The following GRK5 variants were observed in gnomAD, a reference collection of about 807,000 sequenced individuals.
GRK5 encodes g protein-coupled receptor kinase GRK5.
A neutral mutation model predicts 78.4 loss-of-function variants in GRK5; 40 were observed. The observed-to-expected ratio is 0.51, with a 90% CI of 0.40 to 0.66. GRK5 has a LOEUF of 0.66. GRK5 is among the 30% of genes least tolerant of loss of function. GRK5 has a pLI of 0.00. For synonymous variants in GRK5, 289 were observed against 296.8 expected, an observed-to-expected ratio of 0.97 and a Z score of 0.27; for missense variants, 598 against 759.9, an observed-to-expected ratio of 0.79 and a Z score of 2.50.
chr10:119,208,663 G>T (rs1038075182), intron 1 of GRK5: 1 of 152,142 alleles, frequency 6.6e-6, no homozygotes, highest in South Asian at 2.1e-4. Context: ...AAGTGTGCTG[G>T]TGCTTTAGAT....
chr10:119,298,303 A>G (rs1850116623), intron 1 of GRK5, among the ~76,000 whole-genome samples: 2 of 152,164 alleles, frequency 1.3e-5, no homozygotes, highest in South Asian at 4.1e-4. Flanking sequence ...TGGGGAGCTG[A>G]CACCTAGTGG....
At chr10:119,375,457 G>A (rs949833686) in intron 2 of GRK5, among the ~76,000 whole-genome samples, 1 of 152,218 alleles carries the variant, frequency 6.6e-6, no homozygotes. Flanking sequence ...ATGAGAGGAT[G>A]TCTTGCCCCC....
At chr10:119,439,665 C>A in intron 9 of GRK5, 66 bp from the exon 10 acceptor site, 1 of 1,526,118 alleles carries the variant, frequency 6.6e-7, no homozygotes, top group Non-Finnish European at 9.1e-7. Flanking sequence ...GGGGTCGACC[C>A]AGATGCCAGT....
Position 119,430,380 on chromosome 10 carries a change from C to T in GRK5, c.539C>T (p.Pro180Leu), listed in dbSNP as rs369944660. 3.0e-5 allele frequency: 48 copies of T among 1,613,384 alleles called. No homozygotes were observed. The highest frequency in any genetic ancestry group is 3.6e-5 in the Non-Finnish European group (43 of 1,179,686). ...FLQWKWLERQ[P>L]VTKNTFRQYR... is the part of the protein sequence containing the mutation. ...GGGATTCTTCTTTCTTCCAGGCAAC[C>T]GGTGACCAAAAACACTTTCAGGCAG... Residue 180 changes from proline (P) to leucine (L), a missense_variant, in exon 7 of 16, where the codon CCG (proline) becomes CTG (leucine). Physicochemically the swap from Pro to Leu is moderately conservative, Grantham distance 98. Transcript: ENST00000392870. The surrounding 1 kb of genome is among the most constrained non-coding windows in gnomAD (Gnocchi z 4.5).
chr10:119,329,857 CTTTTTTT>C (rs1177940254), intron 2 of GRK5, among the ~76,000 whole-genome samples: 3 of 110,366 alleles, frequency 2.7e-5, no homozygotes, highest in African/African-American at 4.0e-5. Flanking sequence ...CAGACACCTA[CTTTTTTT>C]TTTTTTTTTT....
intron 2 of GRK5, among the ~76,000 whole-genome samples, chr10:119,328,611 C>A (rs1277378627): frequency 6.6e-6 from 1 of 152,230 alleles, no homozygotes; most frequent in Non-Finnish European, 1.5e-5. Context: ...ACCTCACAAC[C>A]CATTCACTGT....
intron 1 of GRK5, among the ~76,000 whole-genome samples, chr10:119,246,019 C>CAAAAAAAAAAA (rs941734040): frequency 1.4e-4 from 2 of 14,042 alleles, no homozygotes; most frequent in Admixed American, 7.2e-4. Context: ...GACTCCATCT[C>CAAAAAAAAAAA]AAAAAAAAAA....
Position 119,264,638 on chromosome 10 carries a change from G to A in GRK5, c.52+56669G>A, listed in dbSNP as rs565634202. Among the ~76,000 whole-genome samples the A allele has an allele frequency of 3.3e-5, 5 of 152,264 alleles. No individual in the cohort carries two copies. The South Asian group carries it at 6.2e-4, about 19-fold the overall frequency. On this transcript the variant is annotated intron_variant, in intron 1 of 15. Transcript: ENST00000392870. This position sits in a 1 kb window ranked among gnomAD's most constrained non-coding sequence, Gnocchi z 4.1. Reference sequence around the variant, plus strand: ...TTTGTGTACACATCTGAAATTGATCGTCATGGACAGGGGTTCACGTTCTGT... The same window carrying A: ...TTTGTGTACACATCTGAAATTGATCATCATGGACAGGGGTTCACGTTCTGT...
intron 4 of GRK5, among the ~76,000 whole-genome samples, chr10:119,401,747 G>A (rs917975126): frequency 3.9e-5 from 6 of 152,288 alleles, no homozygotes; most frequent in South Asian, 2.1e-4. Flanking sequence ...TGAGGAAATC[G>A]TTCAGATGTC....
intron 1 of GRK5, among the ~76,000 whole-genome samples, chr10:119,308,384 G>A (rs1012190612): frequency 2.0e-5 from 3 of 151,632 alleles, no homozygotes; most frequent in African/African-American, 7.3e-5. Flanking sequence ...AGAACTCTGC[G>A]TGTGGCAAGG....
intron 1 of GRK5, among the ~76,000 whole-genome samples, chr10:119,307,488 T>TGA (rs1338544910): frequency 3.3e-5 from 5 of 152,072 alleles, no homozygotes; most frequent in Middle Eastern, 3.4e-3. Context: ...TGATGCAGCT[T>TGA]GAGAAAGACC....
At chr10:119,337,131 A>G (rs1005120420) in intron 2 of GRK5, among the ~76,000 whole-genome samples, 3 of 152,092 alleles carry the variant, frequency 2.0e-5, no homozygotes, top group South Asian at 2.1e-4. Flanking sequence ...CTTTTACCCA[A>G]TTGGGCTTTA....
At chr10:119,308,779 G>A (rs1325597566) in intron 1 of GRK5, among the ~76,000 whole-genome samples, 1 of 152,252 alleles carries the variant, frequency 6.6e-6, no homozygotes, top group Admixed American at 6.5e-5. Context: ...GCTGCTTCCT[G>A]GTTCCAGGGG....
intron 6 of GRK5, among the ~76,000 whole-genome samples, chr10:119,426,551 T>G (rs901021339): frequency 8.5e-5 from 13 of 152,208 alleles, no homozygotes; most frequent in Admixed American, 1.3e-4. Context: ...CATTGTGGGC[T>G]TGGGCTGAGG....
intron 2 of GRK5, among the ~76,000 whole-genome samples, chr10:119,363,254 C>T (rs1170331457): frequency 4.0e-5 from 6 of 150,666 alleles, no homozygotes; most frequent in Admixed American, 2.6e-4. Flanking sequence ...GCACTCCAGC[C>T]TCGGCGACAA....
intron 3 of GRK5, among the ~76,000 whole-genome samples, chr10:119,390,538 T>TAA (rs1423143213): frequency 6.6e-6 from 1 of 151,870 alleles, no homozygotes; most frequent in Non-Finnish European, 1.5e-5. Context: ...CTACTAAAAA[T>TAA]ACAAAAATTA....
At chr10:119,341,098 G>A (rs1271410073) in intron 2 of GRK5, among the ~76,000 whole-genome samples, 1 of 152,010 alleles carries the variant, frequency 6.6e-6, no homozygotes, top group Non-Finnish European at 1.5e-5. Flanking sequence ...CCGATGCCTC[G>A]GCCTCCACAG....
chr10:119,230,947 C>T (rs1848818006), intron 1 of GRK5, among the ~76,000 whole-genome samples: 1 of 150,470 alleles, frequency 6.6e-6, no homozygotes, highest in African/African-American at 2.4e-5. Flanking sequence ...GCCAAATGGG[C>T]AGTGGTTCTT....
At chr10:119,280,079 A>G (rs147599024) in intron 1 of GRK5, among the ~76,000 whole-genome samples, 39 of 152,262 alleles carry the variant, frequency 2.6e-4, no homozygotes, top group African/African-American at 9.1e-4. Context: ...GGCTATACCT[A>G]TAAGCATCAG....
Sources: gnomAD v4.1 joint callset for allele counts (sites outside exome capture counted in the v4.1 genomes callset) on GRCh38, gnomAD v4.1.1 for gene constraint, Gnocchi (gnomAD v3.1) non-coding constraint, MANE v1.5 for transcripts, NCBI Gene and HGNC (gene_info 2026-07-23, HGNC 2026-07-21) for gene names.